Variants in RARA observed in about 807,000 individuals in gnomAD.
The protein encoded by RARA is PML-DDX5-RARA fusion.
In RARA, 5 loss-of-function variants were observed where a neutral mutation model predicts 42.8. That is an observed-to-expected ratio of 0.12 (90% CI 0.06 to 0.25). The LOEUF (loss-of-function observed/expected upper bound fraction) is 0.25, where lower values mean the gene tolerates loss of function less well. Ranked by LOEUF, RARA falls within the 10% of genes least tolerant of loss-of-function variation. The pLI is 1.00. For missense variants in RARA, 402 were observed against 628.7 expected (o/e 0.64, Z 3.86); for synonymous variants, 256 against 259.5 (o/e 0.99, Z 0.13).
Position 40,356,802 on chromosome 17 carries a change from A to T in RARA, c.*576A>T, listed in dbSNP as rs755818342. ...GAATTTTCATTTTAAGCACATTTAT[A>T]CTGAAGGAATTTGTGCTGTGTATTG... On this transcript the variant is annotated 3_prime_UTR_variant, in exon 9 of 9. Coordinates refer to ENST00000254066, the MANE Select transcript of RARA (RefSeq NM_000964.4). 1.4e-4 allele frequency: 66 copies of T among 463,786 alleles called. No individual in the cohort carries two copies. Among genetic ancestry groups the T allele is most frequent in the Non-Finnish European group, 2.4e-4 (59 of 245,560 alleles). 28.7% of individuals were successfully genotyped at this position (463,786 alleles called of 1,614,324 possible).
chr17:40,347,979 C>A (rs1352470865), intron 2 of RARA: 13 of 221,682 alleles, frequency 5.9e-5, no homozygotes. Flanking sequence ...GGCCAGGCCG[C>A]CCAGGGGCAA....
Position 40,356,721 on chromosome 17 carries a change from T to G in RARA, c.*495T>G, listed in dbSNP as rs917739191. 3.0e-5 allele frequency: 16 copies of G among 535,814 alleles called. No individual in the cohort carries two copies. Among genetic ancestry groups the G allele is most frequent in the Non-Finnish European group, 5.0e-5 (14 of 278,528 alleles). 33.2% of individuals were successfully genotyped at this position (535,814 alleles called of 1,614,324 possible). On this transcript the variant is annotated 3_prime_UTR_variant, in exon 9 of 9. Coordinates refer to ENST00000254066, the MANE Select transcript of RARA (RefSeq NM_000964.4). The stretch of plus-strand genomic sequence containing the variant: ...ACCCTGCCATACCAACCCCAGGTAT[T>G]AATTCTCGCTGGTTTTGTTTTTATT...
intron 1 of RARA, among the ~76,000 whole-genome samples, chr17:40,309,957 G>T (rs895132569): frequency 6.6e-5 from 10 of 152,180 alleles, no homozygotes; most frequent in African/African-American, 2.4e-4. Context: ...TGTGTGTAGG[G>T]ACAATGTGGT....
intron 1 of RARA, among the ~76,000 whole-genome samples, chr17:40,321,492 A>G (rs963952315): frequency 2.6e-5 from 4 of 152,208 alleles, no homozygotes; most frequent in Admixed American, 6.5e-5. Flanking sequence ...ACCTGGCATC[A>G]TGGGGAAATG....
At chr17:40,313,548 G>C (rs777450893) in intron 1 of RARA, among the ~76,000 whole-genome samples, 14 of 152,134 alleles carry the variant, frequency 9.2e-5, no homozygotes, top group Non-Finnish European at 1.8e-4. Flanking sequence ...ACCCCCTGGG[G>C]TTGTTCAAGG....
At chr17:40,336,490 C>T (rs113629455) in intron 2 of RARA, among the ~76,000 whole-genome samples, 2,223 of 152,278 alleles carry the variant, frequency 0.015, 60 homozygotes, top group African/African-American at 0.051. Context: ...CTCCCAGGTT[C>T]AAGCCATTCT....
chr17:40,347,489 G>T (rs2034305932), intron 2 of RARA, among the ~76,000 whole-genome samples: 1 of 152,154 alleles, frequency 6.6e-6, no homozygotes, highest in Non-Finnish European at 1.5e-5. Context: ...CCTGCTGTCT[G>T]GGTCACCCCT....
chr17:40,311,721 C>A (rs2033099946), intron 1 of RARA, among the ~76,000 whole-genome samples: 1 of 152,186 alleles, frequency 6.6e-6, no homozygotes, highest in Non-Finnish European at 1.5e-5. Flanking sequence ...GGCTCCCCTG[C>A]AGGGCTCCAG....
In RARA at chr17:40,351,842, CA is replaced by C. The variant is rs1390749428; in HGVS notation, c.470-67del. Reference sequence around the variant, plus strand: ...TCCTCAGCAGCTGGCAGCTCTCTGTCAGGCTGGGGGTGGACGAGGCCCTGAG... The same window carrying C: ...TCCTCAGCAGCTGGCAGCTCTCTGTCGGCTGGGGGTGGACGAGGCCCTGAG... On this transcript the variant is annotated intron_variant, in intron 4 of 8. Transcript: ENST00000254066. The surrounding 1 kb of genome is among the most constrained non-coding windows in gnomAD (Gnocchi z 4.1). 1 of 1,558,656 alleles carries C rather than the reference CA, an allele frequency of 6.4e-7. No homozygotes were observed. The highest frequency in any genetic ancestry group is 8.6e-7 in the Non-Finnish European group (1 of 1,160,156).
In RARA at chr17:40,339,931, C is replaced by G. The variant is rs189929603; in HGVS notation, c.179-8385C>G. On this transcript the variant is annotated intron_variant, in intron 2 of 8. Transcript: ENST00000254066. ...TCCTCTTCGCCATTAGTCTCATCCA[C>G]TGTCAAGATTTGCATACCTGCCCCC... Among the ~76,000 whole-genome samples the G allele has an allele frequency of 2.0e-5, 3 of 152,306 alleles. No individual in the cohort carries two copies. The East Asian group carries it at 5.8e-4, about 29-fold the overall frequency.
intron 1 of RARA, among the ~76,000 whole-genome samples, chr17:40,315,919 T>TTC (rs2033204460): frequency 6.6e-6 from 1 of 152,162 alleles, no homozygotes; most frequent in African/African-American, 2.4e-5. Flanking sequence ...CCTGTGGCTT[T>TTC]TCTCTCTCTG....
intron 2 of RARA, chr17:40,342,525 G>C: frequency 7.6e-7 from 1 of 1,315,666 alleles, no homozygotes; most frequent in Admixed American, 3.8e-5. Flanking sequence ...CTGGCGGAGC[G>C]GCCGGCGGAC....
rs187445657 is a variant in RARA at position 40,353,106 on chromosome 17, G to A, written c.807+599G>A. Among the ~76,000 whole-genome samples the A allele has an allele frequency of 4.6e-5, 7 of 152,274 alleles. No individual in the cohort carries two copies. The East Asian group carries it at 1.4e-3, about 29-fold the overall frequency. ...TGGGGGAGGGCTTGTGACTGCTTGG[G>A]CCTGAAGGATGATGTCTCAGAGGAG... is the stretch of plus-strand genomic sequence containing the variant. On this transcript the variant is annotated intron_variant, in intron 6 of 8. Transcript: ENST00000254066.
At position 40,354,297 on chromosome 17, in the gene RARA, C is replaced by T. The variant is rs2143521090; in HGVS notation, c.808-5C>T. 6.2e-7 allele frequency: 1 copy of T among 1,613,680 alleles called. No homozygotes were observed. Among genetic ancestry groups the T allele is most frequent in the Non-Finnish European group, 8.5e-7 (1 of 1,179,828 alleles). On this transcript the variant is annotated splice_region_variant and splice_polypyrimidine_tract_variant and intron_variant, in intron 6 of 8. Transcript: ENST00000254066. The surrounding 1 kb of genome is among the most constrained non-coding windows in gnomAD (Gnocchi z 4.5). ...TCCCTGAACCCAAGCATCCTCTGCA[C>T]CCAGATCCTGCGGATCTGCACGCGG...
At chr17:40,323,514 G>A (rs1016754486) in intron 1 of RARA, among the ~76,000 whole-genome samples, 1 of 151,754 alleles carries the variant, frequency 6.6e-6, no homozygotes, top group Non-Finnish European at 1.5e-5. Context: ...GGGAGGTGGG[G>A]GCTCTGCAGA....
rs1230989677 is a variant in RARA, at chr17:40,356,100, C to A, written c.1263C>A (p.Asp421Glu). ...QEMLENSEGL[D>E]TLSGQPGGGG... The stretch of plus-strand genomic sequence containing the variant: ...TGTTGGAGAACTCAGAGGGCCTGGA[C>A]ACTCTGAGCGGACAGCCGGGGGGTG... Residue 421 changes from aspartate (D) to glutamate (E), a missense_variant, in exon 9 of 9, where the codon GAC (aspartate) becomes GAA (glutamate). This residue lies in a region of RARA where 73 missense variants were observed against 59.8 expected (regional missense o/e 1.22). Coordinates refer to ENST00000254066, the MANE Select transcript of RARA (RefSeq NM_000964.4). 1 of 1,593,604 alleles carries A rather than the reference C, an allele frequency of 6.3e-7. No individual in the cohort carries two copies. Among genetic ancestry groups the A allele is most frequent in the Non-Finnish European group, 8.5e-7 (1 of 1,172,216 alleles).
chr17:40,343,141 G>A, intron 2 of RARA: 1 of 468,036 alleles, frequency 2.1e-6, no homozygotes, highest in Non-Finnish European at 3.3e-6. Context: ...ACTTCTTCCA[G>A]GAGAAATGAA....
Position 40,354,446 on chromosome 17 carries a change from C to T in RARA, c.952C>T (p.Pro318Ser), listed in dbSNP as rs2143527125. 1.9e-6 allele frequency: 3 copies of T among 1,614,156 alleles called. No homozygotes were observed. Among genetic ancestry groups the T allele is most frequent in the South Asian group, 2.2e-5 (2 of 91,086 alleles). ...LVFAFANQLL[P>S]LEMDDAETGL... ...CTTTGCCTTCGCCAACCAGCTGCTG[C>T]CCCTGGAGATGGATGATGCGGAGAC... Residue 318 changes from proline to serine, a missense_variant, in exon 7 of 9, where the codon CCC becomes TCC. By Grantham distance (74) the Pro-to-Ser change is moderately conservative. Transcript: ENST00000254066. The surrounding 1 kb of genome is among the most constrained non-coding windows in gnomAD (Gnocchi z 4.5).
Position 40,351,432 on chromosome 17 carries a change from C to G in RARA, c.470-478C>G, listed in dbSNP as rs1229064716. 1 of 466,808 alleles carries G rather than the reference C, an allele frequency of 2.1e-6. No individual in the cohort carries two copies. Among genetic ancestry groups the G allele is most frequent in the African/African-American group, 2.0e-5 (1 of 50,004 alleles). The allele number at this position is 466,808 out of a possible 1,614,324, so 28.9% of individuals were successfully genotyped here. A position where few individuals can be genotyped will look rare whatever the true frequency, so the allele number is the denominator to read the frequency against. On this transcript the variant is annotated intron_variant, in intron 4 of 8. Transcript: ENST00000254066. This position sits in a 1 kb window ranked among gnomAD's most constrained non-coding sequence, Gnocchi z 4.1. ...CCAAGAGATTCTCCCCGCCAGGTCC[C>G]CCACTCTCAGGCTGGGGAGCCCTAC... is the stretch of plus-strand genomic sequence containing the variant.
Sources: gnomAD v4.1 joint callset for allele counts (sites outside exome capture counted in the v4.1 genomes callset) on GRCh38, gnomAD v4.1.1 for gene constraint, gnomAD v4.1.1 regional missense constraint, Gnocchi (gnomAD v3.1) non-coding constraint, MANE v1.5 for transcripts, NCBI Gene and HGNC (gene_info 2026-07-23, HGNC 2026-07-21) for gene names.